Variants in NALF1 observed in about 807,000 individuals in gnomAD.
The protein encoded by NALF1 is NALCN channel auxiliary factor 1.
In NALF1, 3 loss-of-function variants were observed where a neutral mutation model predicts 48.4. The observed-to-expected ratio is 0.06, with a 90% confidence interval of 0.03 to 0.16. NALF1 has a LOEUF of 0.16. Ranked by LOEUF, NALF1 falls within the 10% of genes least tolerant of loss-of-function variation. NALF1 has a pLI of 1.00. For synonymous variants in NALF1, 262 were observed against 245.7 expected, an observed-to-expected ratio of 1.07 and a Z score of -0.62; for missense variants, 526 against 571.5, an observed-to-expected ratio of 0.92 and a Z score of 0.81.
intron 1 of NALF1, among the ~76,000 whole-genome samples, chr13:107,591,219 G>A (rs966456878): frequency 2.6e-5 from 4 of 151,946 alleles, no homozygotes; most frequent in Admixed American, 6.6e-5. Flanking sequence ...ATGAGTATAA[G>A]ATCGAGTATG....
At chr13:107,683,030 A>G (rs1881343477) in intron 1 of NALF1, among the ~76,000 whole-genome samples, 1 of 152,196 alleles carries the variant, frequency 6.6e-6, no homozygotes, top group African/African-American at 2.4e-5. Flanking sequence ...TGGGAGGCTG[A>G]GGAGGGAGGA....
chr13:107,830,124 G>A (rs1879670196), intron 1 of NALF1, among the ~76,000 whole-genome samples: 1 of 152,062 alleles, frequency 6.6e-6, no homozygotes, highest in Non-Finnish European at 1.5e-5. Context: ...GCTGTCTCTG[G>A]CCCATTTCCC....
intron 1 of NALF1, among the ~76,000 whole-genome samples, chr13:107,339,436 C>T (rs554478435): frequency 6.6e-5 from 10 of 152,112 alleles, no homozygotes; most frequent in African/African-American, 2.2e-4. Flanking sequence ...GCTCCTCCCA[C>T]CTTCCACCTC....
chr13:107,847,376 G>T (rs1190524844), intron 1 of NALF1, among the ~76,000 whole-genome samples: 5 of 152,124 alleles, frequency 3.3e-5, no homozygotes, highest in Non-Finnish European at 5.9e-5. Flanking sequence ...AGTCTTTAAG[G>T]TGGGCCTCTG....
At chr13:107,616,877 G>T (rs528294662) in intron 1 of NALF1, among the ~76,000 whole-genome samples, 82 of 152,106 alleles carry the variant, frequency 5.4e-4, no homozygotes, top group Non-Finnish European at 1.1e-3. Context: ...AAAACACTCA[G>T]GTGCTGTCTG....
chr13:107,535,621 G>A (rs1260207335), intron 1 of NALF1, among the ~76,000 whole-genome samples: 4 of 152,144 alleles, frequency 2.6e-5, no homozygotes, highest in Non-Finnish European at 5.9e-5. Context: ...TGGATATGAA[G>A]AATCAATATT....
intron 1 of NALF1, among the ~76,000 whole-genome samples, chr13:107,231,302 T>C (rs1880220791): frequency 6.6e-6 from 1 of 152,150 alleles, no homozygotes; most frequent in South Asian, 2.1e-4. Context: ...TCCTCAGTTA[T>C]TTGCATATTT....
intron 1 of NALF1, among the ~76,000 whole-genome samples, chr13:107,771,789 T>A (rs1432741833): frequency 6.6e-6 from 1 of 152,084 alleles, no homozygotes; most frequent in Admixed American, 6.6e-5. Flanking sequence ...CAGGCTGGAG[T>A]GCAGTGGCGC....
intron 1 of NALF1, among the ~76,000 whole-genome samples, chr13:107,490,272 G>T (rs532852635): frequency 2.6e-5 from 4 of 152,058 alleles, no homozygotes; most frequent in Non-Finnish European, 5.9e-5. Flanking sequence ...ACACACACTC[G>T]CATGTGTTCA....
intron 1 of NALF1, among the ~76,000 whole-genome samples, chr13:107,843,378 G>A (rs187239557): frequency 8.8e-4 from 134 of 152,206 alleles, no homozygotes; most frequent in Non-Finnish European, 1.6e-3. Context: ...TATAGTTCAC[G>A]CTCCACTTAG....
chr13:107,739,962 C>T (rs949264864), intron 1 of NALF1, among the ~76,000 whole-genome samples: 5 of 152,096 alleles, frequency 3.3e-5, no homozygotes, highest in Admixed American at 1.3e-4. Context: ...CATCTAGTTA[C>T]AAGAAAACAA....
At chr13:107,582,187 T>C (rs1383980236) in intron 1 of NALF1, among the ~76,000 whole-genome samples, 1 of 152,198 alleles carries the variant, frequency 6.6e-6, no homozygotes, top group Non-Finnish European at 1.5e-5. Context: ...CATAAATCCT[T>C]TAAAATAGAT....
chr13:107,840,952 A>T (rs1880028345), intron 1 of NALF1, among the ~76,000 whole-genome samples: 1 of 152,078 alleles, frequency 6.6e-6, no homozygotes, highest in African/African-American at 2.4e-5. Context: ...TTCCTTGCTG[A>T]ACTTGACCTT....
intron 1 of NALF1, among the ~76,000 whole-genome samples, chr13:107,695,038 C>G (rs1189056710): frequency 6.6e-6 from 1 of 152,114 alleles, no homozygotes; most frequent in Non-Finnish European, 1.5e-5. Context: ...AATGATCCAT[C>G]CACCTTGGCC....
At chr13:107,318,925 G>A (rs1225769879) in intron 1 of NALF1, among the ~76,000 whole-genome samples, 1 of 152,124 alleles carries the variant, frequency 6.6e-6, no homozygotes, top group Non-Finnish European at 1.5e-5. Context: ...CCATTTGTAT[G>A]TCCATTTATA....
chr13:107,802,445 G>A (rs73585697), intron 1 of NALF1, among the ~76,000 whole-genome samples: 4,188 of 152,006 alleles, frequency 0.028, 189 homozygotes, highest in African/African-American at 0.095. Flanking sequence ...TATAAATTAT[G>A]GCCTTCTAAA....
At chr13:107,465,428 C>A (rs976164395) in intron 1 of NALF1, among the ~76,000 whole-genome samples, 1 of 151,866 alleles carries the variant, frequency 6.6e-6, no homozygotes, top group Admixed American at 6.6e-5. Context: ...AATTTAAGTA[C>A]TTGTTTTACC....
At chr13:107,747,836 T>A (rs1373845223) in intron 1 of NALF1, among the ~76,000 whole-genome samples, 1 of 152,166 alleles carries the variant, frequency 6.6e-6, no homozygotes, top group Non-Finnish European at 1.5e-5. Flanking sequence ...CACGCACACA[T>A]GCACATGCAC....
At chr13:107,564,451 C>T (rs141268924) in intron 1 of NALF1, among the ~76,000 whole-genome samples, 3 of 152,268 alleles carry the variant, frequency 2.0e-5, no homozygotes, top group Admixed American at 6.5e-5. Flanking sequence ...CCTTTCAACA[C>T]GTAGGTCGTT....
Sources: gnomAD v4.1 joint callset for allele counts (sites outside exome capture counted in the v4.1 genomes callset) on GRCh38, gnomAD v4.1.1 for gene constraint, MANE v1.5 for transcripts, NCBI Gene and HGNC (gene_info 2026-07-23, HGNC 2026-07-21) for gene names.